CHST11: variants seen among roughly 807,000 people sequenced by gnomAD.
CHST11 encodes the protein C4S-1.
A neutral mutation model predicts 30.4 loss-of-function variants in CHST11; 9 were observed. The observed-to-expected ratio is 0.30, with a 90% CI of 0.18 to 0.52. CHST11 has a LOEUF of 0.52. CHST11 is among the 20% of genes least tolerant of loss of function. The probability of loss-of-function intolerance (pLI) is 0.97; values close to 1 mark genes in which losing one functional copy is unlikely to be tolerated. For missense variants in CHST11, 348 were observed against 460.6 expected (o/e 0.76, Z 2.24); for synonymous variants, 152 against 187.8 (o/e 0.81, Z 1.56).
At chr12:104,577,209 G>A (rs1179277576) in intron 1 of CHST11, among the ~76,000 whole-genome samples, 6 of 139,932 alleles carry the variant, frequency 4.3e-5, no homozygotes, top group Admixed American at 1.4e-4. Context: ...GGTATGATTC[G>A]TGTATCTGAG....
At chr12:104,567,073 G>T (rs1259405304) in intron 1 of CHST11, among the ~76,000 whole-genome samples, 1 of 152,024 alleles carries the variant, frequency 6.6e-6, no homozygotes, top group Non-Finnish European at 1.5e-5. Context: ...TAAATCTGAG[G>T]TTCTTTATCA....
intron 1 of CHST11, among the ~76,000 whole-genome samples, chr12:104,493,320 A>G (rs756375488): frequency 5.9e-5 from 9 of 152,214 alleles, no homozygotes; most frequent in Non-Finnish European, 1.2e-4. Context: ...TTCTCATCAG[A>G]TGATGGATGT....
At chr12:104,613,242 A>T (rs551604785) in intron 2 of CHST11, among the ~76,000 whole-genome samples, 1 of 151,180 alleles carries the variant, frequency 6.6e-6, no homozygotes, top group Admixed American at 6.6e-5. Flanking sequence ...CATGTCCATC[A>T]ATGGATGAAT....
chr12:104,634,805 C>A (rs2039307636), intron 2 of CHST11, among the ~76,000 whole-genome samples: 1 of 152,190 alleles, frequency 6.6e-6, no homozygotes, highest in Non-Finnish European at 1.5e-5. Context: ...CAGGCATTAA[C>A]CTCTTAAAAA....
chr12:104,714,190 G>T (rs2040110732), intron 2 of CHST11, among the ~76,000 whole-genome samples: 3 of 152,192 alleles, frequency 2.0e-5, no homozygotes. Context: ...CCACTAAGGG[G>T]AGCCCCATCC....
chr12:104,496,486 T>C (rs2037799061), intron 1 of CHST11, among the ~76,000 whole-genome samples: 1 of 152,274 alleles, frequency 6.6e-6, no homozygotes, highest in South Asian at 2.1e-4. Flanking sequence ...ATTATTGTAT[T>C]AACAAATGCT....
intron 2 of CHST11, among the ~76,000 whole-genome samples, chr12:104,664,010 C>T (rs992113369): frequency 1.3e-5 from 2 of 152,162 alleles, no homozygotes; most frequent in African/African-American, 4.8e-5. Context: ...TTCCATCTGC[C>T]CTGGACATGA....
At chr12:104,732,931 T>C (rs1342282144) in intron 2 of CHST11, among the ~76,000 whole-genome samples, 5 of 152,272 alleles carry the variant, frequency 3.3e-5, no homozygotes, top group African/African-American at 1.2e-4. Context: ...TTTCCTTACA[T>C]GTAGTTCACA....
intron 2 of CHST11, among the ~76,000 whole-genome samples, chr12:104,631,437 A>C (rs1407258182): frequency 6.6e-6 from 1 of 151,950 alleles, no homozygotes. Flanking sequence ...TTTCCCTCTA[A>C]TGGCTGCCTG....
chr12:104,533,880 G>A (rs1231900003), intron 1 of CHST11, among the ~76,000 whole-genome samples: 1 of 152,202 alleles, frequency 6.6e-6, no homozygotes, highest in Non-Finnish European at 1.5e-5. Context: ...TGTAGCTCAT[G>A]TCCCGTTACA....
rs1322036405 is a variant in CHST11 at position 104,458,604 on chromosome 12, TC to T, written c.118+1079del. Among the ~76,000 whole-genome samples, 15 of 152,218 alleles carry T rather than the reference TC, an allele frequency of 9.9e-5. No homozygotes were observed. The highest frequency in any genetic ancestry group is 7.8e-4 in the Admixed American group (12 of 15,290). On this transcript the variant is annotated intron_variant, in intron 1 of 2. Transcript: ENST00000303694. The surrounding 1 kb of genome is among the most constrained non-coding windows in gnomAD (Gnocchi z 5.7). ...AGAAGCCTTCCGGGTAACGCGGGTC[TC>T]CCCGCCAAGCCGTGGCTCCCCTGCT...
chr12:104,470,793 G>A (rs2037501487), intron 1 of CHST11, among the ~76,000 whole-genome samples: 2 of 152,214 alleles, frequency 1.3e-5, no homozygotes. Context: ...AGCTGGAACA[G>A]GATCCTGGCT....
chr12:104,626,814 C>A (rs551795716), intron 2 of CHST11, among the ~76,000 whole-genome samples: 1 of 152,236 alleles, frequency 6.6e-6, no homozygotes, highest in Admixed American at 6.5e-5. Context: ...GCATCCTCCA[C>A]TGAAGTGGTC....
At chr12:104,487,050 CAGTAGA>C (rs2037686684) in intron 1 of CHST11, among the ~76,000 whole-genome samples, 1 of 152,176 alleles carries the variant, frequency 6.6e-6, no homozygotes, top group Non-Finnish European at 1.5e-5. Flanking sequence ...TTGGTCGATA[CAGTAGA>C]CTTTATAAAT....
chr12:104,548,477 T>C (rs1396554586), intron 1 of CHST11, among the ~76,000 whole-genome samples: 1 of 152,078 alleles, frequency 6.6e-6, no homozygotes, highest in African/African-American at 2.4e-5. Context: ...AGCTCACCAC[T>C]AGAAGGACAG....
At chr12:104,539,403 C>G (rs907409684) in intron 1 of CHST11, among the ~76,000 whole-genome samples, 2 of 152,180 alleles carry the variant, frequency 1.3e-5, no homozygotes, top group Non-Finnish European at 2.9e-5. Flanking sequence ...GCATTTATTA[C>G]AAATACAACT....
At chr12:104,498,054 A>G (rs34318061) in intron 1 of CHST11, among the ~76,000 whole-genome samples, 40,071 of 151,166 alleles carry the variant, frequency 0.27, 5,789 homozygotes, top group East Asian at 0.45. Context: ...GAGTAGCTGG[A>G]ATTGTAGGCA....
intron 1 of CHST11, among the ~76,000 whole-genome samples, chr12:104,586,633 C>A (rs374252009): frequency 1.3e-5 from 2 of 152,256 alleles, no homozygotes; most frequent in South Asian, 4.1e-4. Context: ...GTTGTAAAAT[C>A]AGACTTGGAG....
At chr12:104,726,183 G>A (rs758121394) in intron 2 of CHST11, among the ~76,000 whole-genome samples, 8 of 152,210 alleles carry the variant, frequency 5.3e-5, no homozygotes, top group Non-Finnish European at 1.0e-4. Flanking sequence ...AATCCTTAGT[G>A]AAATATGTAA....
Sources: allele counts gnomAD v4.1 joint callset (sites outside exome capture counted in the v4.1 genomes callset), GRCh38; gene constraint gnomAD v4.1.1; non-coding constraint Gnocchi (gnomAD v3.1); transcripts MANE v1.5; gene names NCBI Gene and HGNC (gene_info 2026-07-23, HGNC 2026-07-21).